Variants in CD81 observed in about 807,000 individuals in gnomAD.
CD81 encodes the protein CD81 molecule.
Under a neutral mutation model 30.1 loss-of-function variants are expected in CD81, and 10 were observed. The ratio of observed to expected loss-of-function variants is 0.33; its 90% CI spans 0.21 to 0.56. The LOEUF is 0.56. Ranked by LOEUF, CD81 falls within the 20% of genes least tolerant of loss-of-function variation. The probability of loss-of-function intolerance (pLI) is 0.89; values close to 1 mark genes in which losing one functional copy is unlikely to be tolerated. For missense variants in CD81, 263 were observed against 308.7 expected (o/e 0.85, Z 1.11); for synonymous variants, 147 against 126.4 (o/e 1.16, Z -1.10).
intron 1 of CD81, among the ~76,000 whole-genome samples, chr11:2,380,199 C>A (rs115372539): frequency 4.1e-4 from 63 of 152,254 alleles, no homozygotes; most frequent in African/African-American, 1.5e-3. Flanking sequence ...GGGGAAGGGG[C>A]TGCGGGAACC....
intron 2 of CD81, chr11:2,393,550 T>TG (rs1175082395): frequency 5.8e-6 from 2 of 342,106 alleles, no homozygotes; most frequent in Non-Finnish European, 1.1e-5. Flanking sequence ...CAGCCCAGAT[T>TG]GGGGGGCAGG....
intron 1 of CD81, among the ~76,000 whole-genome samples, chr11:2,387,242 G>C (rs968421191): frequency 6.6e-6 from 1 of 152,090 alleles, no homozygotes; most frequent in East Asian, 1.9e-4. Flanking sequence ...CTGAGGAACC[G>C]GGAGCCTGGG....
At chr11:2,390,869 G>A (rs1849885684) in intron 2 of CD81, among the ~76,000 whole-genome samples, 1 of 151,980 alleles carries the variant, frequency 6.6e-6, no homozygotes, top group Non-Finnish European at 1.5e-5. Context: ...GAGGCAGCTG[G>A]CGCTGTGGAG....
At position 2,377,634 on chromosome 11, in the gene CD81, G is replaced by T. The variant is rs1589843177; in HGVS notation, c.66+19G>T. On this transcript the variant is annotated intron_variant, in intron 1 of 7. Coordinates refer to ENST00000263645, the MANE Select transcript of CD81 (RefSeq NM_004356.4). The surrounding 1 kb of genome is among the most constrained non-coding windows in gnomAD (Gnocchi z 7.7). ...CTTCTGGGTAAGGGCTGCGCCGGGG[G>T]CCGGGGCGGGAGGGGGCAGGCACAC... The T allele has an allele frequency of 6.6e-7, 1 of 1,512,706 alleles. No homozygotes were observed. The highest frequency in any genetic ancestry group is 1.8e-4 in the Middle Eastern group (1 of 5,622). 93.7% of individuals were successfully genotyped at this position (1,512,706 alleles called of 1,614,324 possible).
intron 1 of CD81, among the ~76,000 whole-genome samples, chr11:2,388,423 T>G (rs552088393): frequency 6.6e-6 from 1 of 150,544 alleles, no homozygotes; most frequent in Non-Finnish European, 1.5e-5. Flanking sequence ...AAGCTCACGC[T>G]CTGCTGAGCA....
At chr11:2,377,037 C>G (rs143031869), upstream of CD81, 1 of 152,380 alleles carries the variant, frequency 6.6e-6, no homozygotes, top group Non-Finnish European at 1.5e-5. The surrounding 1 kb of genome is among the most constrained non-coding windows in gnomAD (Gnocchi z 7.7). Flanking sequence ...CATGCCTGTC[C>G]TCAGGCGCGG....
chr11:2,396,335 AGTC>A, intron 6 of CD81: 1 of 576,880 alleles, frequency 1.7e-6, no homozygotes, highest in East Asian at 2.9e-5. Context: ...CCTCAGTGGA[AGTC>A]GTCATCAGTG....
rs752285417 is a variant in CD81 at position 2,395,545 on chromosome 11, G to T, written c.459+25G>T. ...GGTGCGGCCCCGGGGGGCGAGGGCG[G>T]GGAGCAGGGCCCCGGGAACCCGGCG... On this transcript the variant is annotated intron_variant, in intron 5 of 7. Coordinates refer to ENST00000263645, the MANE Select transcript of CD81 (RefSeq NM_004356.4). The T allele has an allele frequency of 4.4e-6, 7 of 1,578,256 alleles. No homozygotes were observed. In the Admixed American group the frequency reaches 6.7e-5, roughly 15 times the overall value.
In CD81 at chr11:2,389,994, G is replaced by A. The variant is rs1027280959; in HGVS notation, c.67-418G>A. 2.1e-4 allele frequency: 72 copies of A among 347,730 alleles called. 1 individual carries two copies. The highest frequency in any genetic ancestry group is 1.5e-3 in the South Asian group (64 of 44,024). The allele number at this position is 347,730 out of a possible 1,614,324, so 21.5% of individuals were successfully genotyped here. The stretch of plus-strand genomic sequence containing the variant: ...CCTGGTATCACCTCTGGCCAGATAC[G>A]GAAGGTGAAACTACAGGGCATCCAA... On this transcript the variant is annotated intron_variant, in intron 1 of 7. Coordinates refer to ENST00000263645, the MANE Select transcript of CD81 (RefSeq NM_004356.4).
chr11:2,381,852 A>G (rs1268424425), intron 1 of CD81, among the ~76,000 whole-genome samples: 2 of 152,196 alleles, frequency 1.3e-5, no homozygotes, highest in Non-Finnish European at 2.9e-5. Context: ...GGCTTCAGTG[A>G]TCTCCACTTC....
chr11:2,397,206 G>A lies in CD81; in HGVS notation c.*340G>A. 2.4e-6 allele frequency: 1 copy of A among 422,000 alleles called. No individual in the cohort carries two copies. The highest frequency in any genetic ancestry group is 2.0e-5 in the African/African-American group (1 of 49,250). The allele number at this position is 422,000 out of a possible 1,614,324, so 26.1% of individuals were successfully genotyped here. On this transcript the variant is annotated 3_prime_UTR_variant, in exon 8 of 8. Transcript: ENST00000263645. ...GAGACTCAGCTTGGCCAACTTGGGG[G>A]GCTGTGTCCACCCAGCCCGCCCGTC...
At chr11:2,395,831 C>T (rs1263215347) in intron 5 of CD81, 38 bp from the exon 6 acceptor site, 3 of 1,407,844 alleles carry the variant, frequency 2.1e-6, no homozygotes, top group South Asian at 1.1e-5. Flanking sequence ...TCCCCCTGGG[C>T]ACATCCAGGG....
chr11:2,385,701 G>T, intron 1 of CD81: 1 of 334,644 alleles, frequency 3.0e-6, no homozygotes, highest in Non-Finnish European at 5.9e-6. Context: ...CCCGTCGTCT[G>T]TGCACCCGTG....
chr11:2,376,596 G>A (rs1263942056), upstream of CD81, among the ~76,000 whole-genome samples: 1 of 152,232 alleles, frequency 6.6e-6, no homozygotes, highest in Non-Finnish European at 1.5e-5. Context: ...CAACCAGGAT[G>A]TAGACGAAAT....
intron 1 of CD81, chr11:2,386,104 G>A (rs145659665): frequency 0.012 from 8,751 of 717,394 alleles, 72 homozygotes; most frequent in Non-Finnish European, 0.017. Context: ...AGTCCACTGG[G>A]TGCGCTCGGC....
At chr11:2,390,605 A>G (rs571573244) in intron 2 of CD81, 79 bp downstream of exon 2, 17 of 1,016,554 alleles carry the variant, frequency 1.7e-5, no homozygotes, top group Middle Eastern at 2.0e-4. Context: ...GGATGGGGAC[A>G]TGGAGGGTGA....
upstream of CD81, among the ~76,000 whole-genome samples, chr11:2,376,517 TGCAGCAG>T (rs1849590553): frequency 6.6e-6 from 1 of 152,170 alleles, no homozygotes; most frequent in South Asian, 2.1e-4. Context: ...AAGCAGTAAG[TGCAGCAG>T]GCCTGGCCCC....
chr11:2,396,310 A>T, intron 6 of CD81: 1 of 565,722 alleles, frequency 1.8e-6, no homozygotes. Context: ...GCCCTGTGGA[A>T]GTTTCCTGCT....
At chr11:2,376,480 C>T (rs1450001154), upstream of CD81, 1 of 152,282 alleles carries the variant, frequency 6.6e-6, no homozygotes, top group African/African-American at 2.4e-5. Flanking sequence ...GGAGAAAGCA[C>T]CCTTCACTCT....
Sources: allele counts gnomAD v4.1 joint callset (sites outside exome capture counted in the v4.1 genomes callset), GRCh38; gene constraint gnomAD v4.1.1; non-coding constraint Gnocchi (gnomAD v3.1); transcripts MANE v1.5; gene names NCBI Gene and HGNC (gene_info 2026-07-23, HGNC 2026-07-21).